SDK1: variants seen among roughly 807,000 people sequenced by gnomAD.
SDK1 encodes the protein protein sidekick-1.
A neutral mutation model predicts 245.5 loss-of-function variants in SDK1; 157 were observed. The ratio of observed to expected loss-of-function variants is 0.64; its 90% CI spans 0.56 to 0.73. The LOEUF is 0.73. SDK1 is among the 30% of genes least tolerant of loss of function. SDK1 has a pLI of 0.00. For synonymous variants in SDK1, 1,647 were observed against 1,278.5 expected, an observed-to-expected ratio of 1.29 and a Z score of -6.15; for missense variants, 3,583 against 3,002.3, an observed-to-expected ratio of 1.19 and a Z score of -4.52.
At chr7:3,632,484 A>G (rs909798718) in intron 2 of SDK1, among the ~76,000 whole-genome samples, 3 of 152,182 alleles carry the variant, frequency 2.0e-5, no homozygotes, top group African/African-American at 7.2e-5. Flanking sequence ...TTAACATCTA[A>G]TTGATACCAG....
intron 4 of SDK1, among the ~76,000 whole-genome samples, chr7:3,750,544 A>G (rs1779744879): frequency 6.6e-6 from 1 of 152,172 alleles, no homozygotes; most frequent in African/African-American, 2.4e-5. Context: ...GCAGAGAGAG[A>G]TTGAGTTCAA....
At chr7:3,508,188 AT>A (rs146289177) in intron 1 of SDK1, among the ~76,000 whole-genome samples, 1 of 150,256 alleles carries the variant, frequency 6.7e-6, no homozygotes, top group Non-Finnish European at 1.5e-5. Flanking sequence ...TTTTCTGAAT[AT>A]TTTTTTTTCT....
chr7:4,020,409 C>T (rs898757449), intron 17 of SDK1, among the ~76,000 whole-genome samples: 9 of 152,166 alleles, frequency 5.9e-5, no homozygotes, highest in Non-Finnish European at 1.3e-4. Flanking sequence ...CAGAATGAAG[C>T]GAGCGTATGA....
At chr7:3,730,246 C>A (rs760816755) in intron 4 of SDK1, among the ~76,000 whole-genome samples, 3 of 152,120 alleles carry the variant, frequency 2.0e-5, no homozygotes, top group African/African-American at 7.2e-5. Context: ...ACATACAGTG[C>A]CCACTTATTA....
At chr7:4,191,457 C>G (rs1389134348) in intron 35 of SDK1, among the ~76,000 whole-genome samples, 1 of 152,248 alleles carries the variant, frequency 6.6e-6, no homozygotes, top group Non-Finnish European at 1.5e-5. Context: ...TCACCTCTCA[C>G]CATCCTGAGT....
intron 1 of SDK1, among the ~76,000 whole-genome samples, chr7:3,344,802 A>G (rs994273400): frequency 6.6e-6 from 1 of 152,184 alleles, no homozygotes. Flanking sequence ...GAGAGAATGA[A>G]CGTAAAAGTT....
intron 1 of SDK1, among the ~76,000 whole-genome samples, chr7:3,523,904 G>T (rs1285992761): frequency 6.6e-6 from 1 of 152,076 alleles, no homozygotes; most frequent in Non-Finnish European, 1.5e-5. Flanking sequence ...TGCTGTGATT[G>T]TGGTTATAGC....
At chr7:4,169,183 C>G (rs1160336954) in intron 32 of SDK1, among the ~76,000 whole-genome samples, 1 of 152,208 alleles carries the variant, frequency 6.6e-6, no homozygotes, top group African/African-American at 2.4e-5. Context: ...CTGGTTGTTA[C>G]CGGGAGTAGC....
At chr7:3,415,775 C>T (rs969768385) in intron 1 of SDK1, among the ~76,000 whole-genome samples, 5 of 151,516 alleles carry the variant, frequency 3.3e-5, no homozygotes, top group African/African-American at 1.2e-4. Flanking sequence ...CTGTACATTT[C>T]TTCGGAGTAG....
At chr7:3,960,834 G>C (rs1562576694) in intron 8 of SDK1, among the ~76,000 whole-genome samples, 1 of 152,184 alleles carries the variant, frequency 6.6e-6, no homozygotes, top group Admixed American at 6.5e-5. Flanking sequence ...TTCTTGTGTA[G>C]GTGCCAGCTT....
chr7:4,033,589 A>G (rs1787992891), intron 17 of SDK1, among the ~76,000 whole-genome samples: 1 of 152,230 alleles, frequency 6.6e-6, no homozygotes. Flanking sequence ...AATGGTTAAT[A>G]TCTCTATATT....
intron 5 of SDK1, among the ~76,000 whole-genome samples, chr7:3,936,542 G>A (rs114319695): frequency 0.032 from 4,798 of 150,356 alleles, 269 homozygotes; most frequent in African/African-American, 0.11. Context: ...CCTAGATCAC[G>A]CCACAGCACT....
In SDK1 at chr7:3,548,475, A is replaced by G. The variant is rs558378528; in HGVS notation, c.299-70605A>G. ...ACGAGTCCCAAAGATGAGAGGAGAG[A>G]AACATTTTCTTTTGCTAACATTTGA... On this transcript the variant is annotated intron_variant, in intron 1 of 44. Transcript: ENST00000404826. 7.2e-5 allele frequency among the ~76,000 whole-genome samples: 11 copies of G among 152,334 alleles called. No homozygotes were observed. In the South Asian group the frequency reaches 1.2e-3, roughly 17 times the overall value.
rs537519363 is a variant in SDK1, at chr7:3,302,089, C to T, written c.298+205C>T. The stretch of plus-strand genomic sequence containing the variant: ...GAGCCCCGTAGAGCCTGCACCCCGT[C>T]TGCTACTTTGCGTTTTATTTTTTTT... On this transcript the variant is annotated intron_variant, in intron 1 of 44. Coordinates refer to ENST00000404826, the MANE Select transcript of SDK1 (RefSeq NM_152744.4). 15 of 261,270 alleles carry T rather than the reference C, an allele frequency of 5.7e-5. 1 individual carries two copies. Among genetic ancestry groups the T allele is most frequent in the Admixed American group, 5.4e-4 (9 of 16,680 alleles). 16.2% of individuals were successfully genotyped at this position (261,270 alleles called of 1,614,324 possible). A position where few individuals can be genotyped will look rare whatever the true frequency, so the allele number is the denominator to read the frequency against.
intron 13 of SDK1, among the ~76,000 whole-genome samples, chr7:3,981,838 A>G (rs890806163): frequency 2.0e-5 from 3 of 152,244 alleles, no homozygotes; most frequent in Non-Finnish European, 4.4e-5. Flanking sequence ...CCCATAACAT[A>G]AAAGTACAAG....
intron 22 of SDK1, among the ~76,000 whole-genome samples, chr7:4,096,361 G>T (rs962683431): frequency 6.6e-6 from 1 of 152,080 alleles, no homozygotes; most frequent in Non-Finnish European, 1.5e-5. Flanking sequence ...CAGAAGAGAG[G>T]AACTTTAGGC....
chr7:3,455,590 A>G (rs541765219), intron 1 of SDK1, among the ~76,000 whole-genome samples: 1 of 151,820 alleles, frequency 6.6e-6, no homozygotes, highest in African/African-American at 2.4e-5. Context: ...TTAGCTGGGC[A>G]TCTTACTGTG....
intron 1 of SDK1, among the ~76,000 whole-genome samples, chr7:3,504,643 A>G (rs758315057): frequency 6.6e-6 from 1 of 152,192 alleles, no homozygotes; most frequent in Admixed American, 6.5e-5. Flanking sequence ...ACCTCACAGC[A>G]TATGCAGAAA....
intron 4 of SDK1, among the ~76,000 whole-genome samples, chr7:3,820,366 T>C (rs1334721744): frequency 1.3e-5 from 2 of 152,144 alleles, no homozygotes; most frequent in Non-Finnish European, 2.9e-5. Context: ...GCCAGGATGG[T>C]CTCGATCTCT....
Sources: allele counts gnomAD v4.1 joint callset (sites outside exome capture counted in the v4.1 genomes callset), GRCh38; gene constraint gnomAD v4.1.1; transcripts MANE v1.5; gene names NCBI Gene and HGNC (gene_info 2026-07-23, HGNC 2026-07-21).